The following XRCC5 variants were observed in gnomAD, a reference collection of about 807,000 sequenced individuals.
XRCC5 encodes X-ray repair cross complementing 5.
A neutral mutation model predicts 95.7 loss-of-function variants in XRCC5; 12 were observed. That is an observed-to-expected ratio of 0.13 (90% CI 0.08 to 0.20). The LOEUF (loss-of-function observed/expected upper bound fraction) is 0.20. Among genes scored for constraint, XRCC5 ranks in the 10% least tolerant of loss-of-function variants. The pLI is 1.00. For synonymous variants in XRCC5, 281 were observed against 290.3 expected (o/e 0.97, Z 0.33); for missense variants, 595 against 873.9 (o/e 0.68, Z 4.02).
intron 16 of XRCC5, among the ~76,000 whole-genome samples, chr2:216,181,082 G>A (rs908724765): frequency 1.6e-4 from 25 of 152,012 alleles, no homozygotes; most frequent in African/African-American, 6.0e-4. Context: ...CAAAGTGCTG[G>A]GAATACAGGC....
intron 12 of XRCC5, among the ~76,000 whole-genome samples, chr2:216,139,311 G>GACT (rs1052930255): frequency 7.1e-5 from 9 of 126,592 alleles, no homozygotes; most frequent in Non-Finnish European, 1.3e-4. Flanking sequence ...GGTTTAATTG[G>GACT]ACTTACAGTT....
At chr2:216,127,356 C>G (rs1344073554) in intron 7 of XRCC5, among the ~76,000 whole-genome samples, 180 bp from the exon 8 acceptor site, 3 of 152,132 alleles carry the variant, frequency 2.0e-5, no homozygotes, top group Non-Finnish European at 1.5e-5. Context: ...AGAAGGTTAT[C>G]CAGTATATTT....
At chr2:216,134,897 T>C (rs1163410842) in intron 10 of XRCC5, among the ~76,000 whole-genome samples, 1 of 152,244 alleles carries the variant, frequency 6.6e-6, no homozygotes, top group South Asian at 2.1e-4. Flanking sequence ...ATTTGCTACA[T>C]ATCTCATTTC....
At chr2:216,140,428 T>C (rs1697153587) in intron 12 of XRCC5, among the ~76,000 whole-genome samples, 1 of 152,212 alleles carries the variant, frequency 6.6e-6, no homozygotes, top group Non-Finnish European at 1.5e-5. Context: ...GCAGAAGTAT[T>C]TTTGGGAGAA....
chr2:216,180,669 T>TG (rs1689368537), intron 16 of XRCC5, among the ~76,000 whole-genome samples: 1 of 152,098 alleles, frequency 6.6e-6, no homozygotes, highest in South Asian at 2.1e-4. Context: ...TGGTCCATTA[T>TG]GGTAAAGGTG....
chr2:216,184,498 A>G (rs919501149), intron 16 of XRCC5, among the ~76,000 whole-genome samples: 1 of 152,122 alleles, frequency 6.6e-6, no homozygotes, highest in African/African-American at 2.4e-5. Flanking sequence ...TGTTTTTGAG[A>G]TGGAGTCTCA....
chr2:216,194,348 G>A (rs572418996), intron 18 of XRCC5, among the ~76,000 whole-genome samples: 13 of 152,176 alleles, frequency 8.5e-5, no homozygotes, highest in African/African-American at 2.9e-4. Flanking sequence ...TACATTGAGG[G>A]GAATATAAAG....
intron 20 of XRCC5, among the ~76,000 whole-genome samples, 165 bp downstream of exon 20, chr2:216,204,561 CAGAT>C (rs1374794372): frequency 6.6e-6 from 1 of 152,158 alleles, no homozygotes; most frequent in Non-Finnish European, 1.5e-5. Flanking sequence ...TAAATTCAAT[CAGAT>C]AGGTAATTTC....
intron 1 of XRCC5, chr2:216,111,543 G>A: frequency 3.6e-6 from 1 of 276,070 alleles, no homozygotes; most frequent in South Asian, 2.7e-5. Flanking sequence ...AAAAAAAATG[G>A]TGGGGAGGAA....
At chr2:216,157,947 G>A (rs1235657036) in intron 14 of XRCC5, among the ~76,000 whole-genome samples, 1 of 152,178 alleles carries the variant, frequency 6.6e-6, no homozygotes, top group East Asian at 1.9e-4. Context: ...TGAATTTAGT[G>A]TATGCAAAAT....
chr2:216,116,627 A>G (rs1330039713), intron 2 of XRCC5, 32 bp from the exon 3 acceptor site: 8 of 1,613,398 alleles, frequency 5.0e-6, no homozygotes, highest in Admixed American at 1.7e-5. Context: ...TTGTTCTAAT[A>G]TGGTTTTCAG....
chr2:216,156,859 C>T (rs1688853266), intron 14 of XRCC5: 2 of 368,382 alleles, frequency 5.4e-6, no homozygotes, highest in East Asian at 6.8e-5. Flanking sequence ...GTGGGTGCCG[C>T]AAATGCTGGG....
At chr2:216,115,030 CAAA>C (rs1204841242) in intron 2 of XRCC5, among the ~76,000 whole-genome samples, 1 of 152,060 alleles carries the variant, frequency 6.6e-6, no homozygotes, top group Non-Finnish European at 1.5e-5. Context: ...AAAAACTAAA[CAAA>C]GAAGGGCGCA....
chr2:216,195,124 C>G lies in XRCC5; in HGVS notation c.2109+138C>G, dbSNP rs887283879. The G allele has an allele frequency of 6.9e-6, 5 of 729,228 alleles. No individual in the cohort carries two copies. In the African/African-American group the frequency reaches 8.9e-5, roughly 13 times the overall value. The allele number at this position is 729,228 out of a possible 1,614,324, so 45.2% of individuals were successfully genotyped here. Reference sequence around the variant, plus strand: ...GTATTCAATATGTAAATTGCTTCAACCACAGCATCCCCATGGGAGAAATTA... The same window carrying G: ...GTATTCAATATGTAAATTGCTTCAAGCACAGCATCCCCATGGGAGAAATTA... On this transcript the variant is annotated intron_variant, in intron 19 of 20. Coordinates refer to ENST00000392132, the MANE Select transcript of XRCC5 (RefSeq NM_021141.4).
chr2:216,126,018 C>T lies in XRCC5; in HGVS notation c.785C>T (p.Ala262Val). 1 of 1,612,726 alleles carries T rather than the reference C, an allele frequency of 6.2e-7. No homozygotes were observed. The change falls in exon 7 of 21, where the codon GCA (alanine) becomes GTA (valine). Residue 262 changes from alanine to valine, a missense_variant. Around this residue, in one of 2 missense-constraint regions of XRCC5, gnomAD observed 286 missense variants for 491.1 expected, o/e 0.58. Coordinates refer to ENST00000392132, the MANE Select transcript of XRCC5 (RefSeq NM_021141.4). ...TIGSNLSIRIAAYKSILQERV... is the reference protein window; with the variant it reads ...TIGSNLSIRIVAYKSILQERV... The stretch of plus-strand genomic sequence containing the variant: ...GGCTCCAATTTGTCTATAAGGATTG[C>T]AGCCTATAAATCGGTAAGTGGCAGG...
chr2:216,203,231 T>G (rs1265115262), intron 19 of XRCC5, among the ~76,000 whole-genome samples: 1 of 152,130 alleles, frequency 6.6e-6, no homozygotes, highest in Non-Finnish European at 1.5e-5. Flanking sequence ...CCAGAATGCC[T>G]CTAGGGGCCA....
At chr2:216,113,400 A>G (rs1020977229) in intron 2 of XRCC5, among the ~76,000 whole-genome samples, 1 of 152,200 alleles carries the variant, frequency 6.6e-6, no homozygotes, top group Non-Finnish European at 1.5e-5. Flanking sequence ...CACAATCTCT[A>G]GAGACAGATG....
At chr2:216,185,324 C>T (rs1229092009) in intron 16 of XRCC5, among the ~76,000 whole-genome samples, 2 of 152,158 alleles carry the variant, frequency 1.3e-5, no homozygotes, top group Non-Finnish European at 2.9e-5. Context: ...CGCCTCTACC[C>T]ACAATGGCCA....
At chr2:216,126,589 A>C (rs916344756) in intron 7 of XRCC5, among the ~76,000 whole-genome samples, 3 of 152,228 alleles carry the variant, frequency 2.0e-5, no homozygotes, top group African/African-American at 7.2e-5. Context: ...TTGAGTAGGA[A>C]TCTGATGCGT....
Sources: allele counts gnomAD v4.1 joint callset (sites outside exome capture counted in the v4.1 genomes callset), GRCh38; gene constraint gnomAD v4.1.1; regional missense constraint gnomAD v4.1.1; transcripts MANE v1.5; gene names NCBI Gene and HGNC (gene_info 2026-07-23, HGNC 2026-07-21).